Variants in HNRNPA2B1 observed in about 807,000 individuals in gnomAD.
HNRNPA2B1 encodes heterogeneous nuclear ribonucleoprotein A2/B1.
HNRNPA2B1 carries 3 observed loss-of-function variants against 46.3 expected under a neutral mutation model. The observed-to-expected ratio is 0.06, with a 90% CI of 0.03 to 0.17. The LOEUF is 0.17. HNRNPA2B1 is among the 10% of genes least tolerant of loss of function. The pLI is 1.00. For synonymous variants in HNRNPA2B1, 225 were observed against 133.8 expected, an observed-to-expected ratio of 1.68 and a Z score of -4.70; for missense variants, 221 against 418.9, an observed-to-expected ratio of 0.53 and a Z score of 4.12.
intron 3 of HNRNPA2B1, 52 bp from the exon 4 acceptor site, chr7:26,197,069 A>T: frequency 7.1e-7 from 1 of 1,411,206 alleles, no homozygotes; most frequent in Non-Finnish European, 9.9e-7. Flanking sequence ...ACACAAGCAT[A>T]ATTCAAAGCA....
intron 7 of HNRNPA2B1, 47 bp from the exon 8 acceptor site, chr7:26,193,741 C>G (rs375449398): frequency 1.2e-5 from 18 of 1,494,250 alleles, no homozygotes; most frequent in African/African-American, 8.4e-5. Flanking sequence ...TTTTCAATAC[C>G]ATTTTGAACT....
At chr7:26,198,047 G>T in intron 1 of HNRNPA2B1, 1 of 433,324 alleles carries the variant, frequency 2.3e-6, no homozygotes, top group Non-Finnish European at 4.0e-6. Flanking sequence ...AACTTTCTAA[G>T]GAAAAATAAA....
intron 7 of HNRNPA2B1, 138 bp from the exon 8 acceptor site, chr7:26,193,832 T>C: frequency 1.3e-6 from 1 of 750,826 alleles, no homozygotes; most frequent in South Asian, 1.7e-5. Flanking sequence ...CTTCAAGGAC[T>C]GAATAACTAT....
intron 9 of HNRNPA2B1, 59 bp downstream of exon 9, chr7:26,193,192 C>T: frequency 6.5e-7 from 1 of 1,527,186 alleles, no homozygotes. Flanking sequence ...CCCTTTAAGT[C>T]ACAAAAGGCT....
intron 8 of HNRNPA2B1, 96 bp downstream of exon 8, chr7:26,193,479 A>G: frequency 6.5e-7 from 1 of 1,527,162 alleles, no homozygotes. Flanking sequence ...CACAAATTTT[A>G]TGGGCATCTA....
chr7:26,200,630 G>A lies in HNRNPA2B1; in HGVS notation c.-53C>T, dbSNP rs766639633. 2.3e-5 allele frequency: 37 copies of A among 1,612,400 alleles called. No individual in the cohort carries two copies. Among genetic ancestry groups the A allele is most frequent in the Non-Finnish European group, 2.9e-5 (34 of 1,179,502 alleles). On this transcript the variant is annotated 5_prime_UTR_variant, in exon 1 of 11. Transcript: ENST00000618183. ...TCCCGCAGCCGAGCGAGATGAGAGA[G>A]ATCTCCGCGGACGAACACGAACCGG...
At chr7:26,198,010 T>C (rs1476445650) in intron 1 of HNRNPA2B1, 1 of 451,682 alleles carries the variant, frequency 2.2e-6, no homozygotes, top group Non-Finnish European at 3.9e-6. Context: ...CAACATTAAA[T>C]TATCTTAAAT....
intron 1 of HNRNPA2B1, 180 bp from the exon 2 acceptor site, chr7:26,197,912 A>C: frequency 6.9e-7 from 1 of 1,452,242 alleles, no homozygotes; most frequent in Non-Finnish European, 9.4e-7. Flanking sequence ...CCATATGTTA[A>C]ACTGCATATT....
At position 26,193,966 on chromosome 7, in the gene HNRNPA2B1, C is replaced by G. The variant is rs111827134; in HGVS notation, c.722-272G>C. On this transcript the variant is annotated intron_variant, in intron 7 of 10. Coordinates refer to ENST00000618183, the MANE Select transcript of HNRNPA2B1 (RefSeq NM_002137.4). ...TAAAAATCTTAAGTATCTTGAAATA[C>G]TTCATGTATATTGTGGGTAAGGACT... is the stretch of plus-strand genomic sequence containing the variant. Among the ~76,000 whole-genome samples, 623 of 152,298 alleles carry G rather than the reference C, an allele frequency of 4.1e-3. 2 individuals carry two copies. The highest frequency in any genetic ancestry group is 0.037 in the Middle Eastern group (11 of 294).
At position 26,196,931 on chromosome 7, in the gene HNRNPA2B1, T is replaced by C; in HGVS notation, c.351A>G (p.Arg117=). Residue 117 remains arginine, a synonymous_variant, in exon 4 of 11, where the codon AGA becomes AGG. Transcript: ENST00000618183. ...IKEDTEEHHL[R]DYFEEYGKID... ...TTTTTCCATATTCCTCAAAGTAATCTCTAAGGTGATGTTCCTCAGTATCTT... is the reference window on the plus strand; with the variant it reads ...TTTTTCCATATTCCTCAAAGTAATCCCTAAGGTGATGTTCCTCAGTATCTT... The C allele has an allele frequency of 1.9e-6, 3 of 1,613,724 alleles. No homozygotes were observed. The East Asian group carries it at 6.7e-5, about 36-fold the overall frequency.
chr7:26,192,670 A>C, intron 9 of HNRNPA2B1, 93 bp from the exon 10 acceptor site: 1 of 1,039,122 alleles, frequency 9.6e-7, no homozygotes, highest in East Asian at 2.4e-5. Context: ...ATATCCATCC[A>C]GTCTTTTAAA....
chr7:26,195,837 G>A lies in HNRNPA2B1; in HGVS notation c.721+10C>T, dbSNP rs768374617. 54 of 1,608,872 alleles carry A rather than the reference G, an allele frequency of 3.4e-5. No individual in the cohort carries two copies. The highest frequency in any genetic ancestry group is 7.8e-5 in the South Asian group (7 of 90,136). On this transcript the variant is annotated intron_variant, in intron 7 of 10. Transcript: ENST00000618183. Reference sequence around the variant, plus strand: ...CACATAAACAAACCAAAACGTAGAGGAAAACTGACCTCCAGGTCCTCCTCC... The same window carrying A: ...CACATAAACAAACCAAAACGTAGAGAAAAACTGACCTCCAGGTCCTCCTCC...
rs1782703310 is a variant in HNRNPA2B1 at position 26,189,981 on chromosome 7, C to T, written c.*2379G>A. ...GGGACAGCCAATAATGTCCACAATG[C>T]TCTTCTCATTTACCTGTTAATATTA... On this transcript the variant is annotated 3_prime_UTR_variant, in exon 11 of 11. Coordinates refer to ENST00000618183, the MANE Select transcript of HNRNPA2B1 (RefSeq NM_002137.4). 1 of 152,180 alleles carries T rather than the reference C, an allele frequency of 6.6e-6. No individual in the cohort carries two copies. Among genetic ancestry groups the T allele is most frequent in the African/African-American group, 2.4e-5 (1 of 41,434 alleles). The allele number at this position is 152,180 out of a possible 1,614,324, so 9.4% of individuals were successfully genotyped here.
chr7:26,199,223 A>G (rs1028313652), intron 1 of HNRNPA2B1: 1 of 152,630 alleles, frequency 6.6e-6, no homozygotes, highest in Non-Finnish European at 1.5e-5. Flanking sequence ...GATGTCCACT[A>G]TCGATTTTAA....
At position 26,193,393 on chromosome 7, in the gene HNRNPA2B1, CTCAG is replaced by C. The variant is rs775078333; in HGVS notation, c.842-24_842-21del. 2.5e-6 allele frequency: 4 copies of C among 1,607,208 alleles called. No individual in the cohort carries two copies. The Admixed American group carries it at 5.0e-5, about 20-fold the overall frequency. Reference sequence around the variant, plus strand: ...AATTTCCTATTAAAAAATTGGAATACTCAGAACAATACAAACATTAAACCAAGGA... The same window carrying C: ...AATTTCCTATTAAAAAATTGGAATACAACAATACAAACATTAAACCAAGGA... On this transcript the variant is annotated intron_variant, in intron 8 of 10. Coordinates refer to ENST00000618183, the MANE Select transcript of HNRNPA2B1 (RefSeq NM_002137.4).
intron 7 of HNRNPA2B1, 44 bp from the exon 8 acceptor site, chr7:26,193,738 T>G: frequency 2.6e-6 from 4 of 1,542,774 alleles, no homozygotes; most frequent in Non-Finnish European, 3.6e-6. Context: ...ATATTTTCAA[T>G]ACCATTTTGA....
chr7:26,200,168 G>C, intron 1 of HNRNPA2B1: 1 of 236,984 alleles, frequency 4.2e-6, no homozygotes, highest in Non-Finnish European at 8.4e-6. Flanking sequence ...CCGGGAGAGA[G>C]GGGGAGGGGA....
chr7:26,196,007 A>G lies in HNRNPA2B1; in HGVS notation c.659-98T>C. The G allele has an allele frequency of 1.4e-6, 2 of 1,460,270 alleles. 1 individual carries two copies. Among genetic ancestry groups the G allele is most frequent in the South Asian group, 2.9e-5 (2 of 69,130 alleles). The allele number at this position is 1,460,270 out of a possible 1,614,324, so 90.5% of individuals were successfully genotyped here. Reference sequence around the variant, plus strand: ...CTCTTACTACCTCAGCACAATAATTAAGAACCGCAGAAAAGGACACACCAG... The same window carrying G: ...CTCTTACTACCTCAGCACAATAATTGAGAACCGCAGAAAAGGACACACCAG... On this transcript the variant is annotated intron_variant, in intron 6 of 10. Transcript: ENST00000618183.
At position 26,197,525 on chromosome 7, in the gene HNRNPA2B1, T is replaced by C. The variant is rs938649508; in HGVS notation, c.118-64A>G. ...TTATAGCTTATAAGTGAAGTCATAATAGAATTTTTTACTATGCTGATAGTT... is the reference window on the plus strand; with the variant it reads ...TTATAGCTTATAAGTGAAGTCATAACAGAATTTTTTACTATGCTGATAGTT... On this transcript the variant is annotated intron_variant, in intron 2 of 10. Coordinates refer to ENST00000618183, the MANE Select transcript of HNRNPA2B1 (RefSeq NM_002137.4). The C allele has an allele frequency of 1.0e-5, 16 of 1,582,048 alleles. No individual in the cohort carries two copies. In the Middle Eastern group the frequency reaches 5.0e-4, roughly 50 times the overall value.
Sources: allele counts gnomAD v4.1 joint callset (sites outside exome capture counted in the v4.1 genomes callset), GRCh38; gene constraint gnomAD v4.1.1; transcripts MANE v1.5; gene names NCBI Gene and HGNC (gene_info 2026-07-23, HGNC 2026-07-21).